CAST: variants seen among roughly 807,000 people sequenced by gnomAD.
CAST encodes calpastatin.
In CAST, 76 loss-of-function variants were observed where a neutral mutation model predicts 119.6. The observed-to-expected ratio is 0.64, with a 90% CI of 0.53 to 0.77. The LOEUF is 0.77. Among genes scored for constraint, CAST ranks in the 30% least tolerant of loss-of-function variants. The pLI is 0.00. For synonymous variants in CAST, 319 were observed against 331.6 expected (o/e 0.96, Z 0.41); for missense variants, 953 against 946.5 (o/e 1.01, Z -0.09).
the CAST span, among the ~76,000 whole-genome samples, chr5:96,136,020 C>T: frequency 6.6e-6 from 1 of 152,190 alleles, no homozygotes; most frequent in East Asian, 1.9e-4. Context: ...GAGATCACAC[C>T]ACTGCACTCT....
chr5:96,355,419 C>T, the CAST span, among the ~76,000 whole-genome samples: 1 of 152,232 alleles, frequency 6.6e-6, no homozygotes, highest in South Asian at 2.1e-4. Context: ...TTTCTTTATC[C>T]AGTCTATCAT....
intron 1 of CAST, among the ~76,000 whole-genome samples, chr5:96,623,085 C>T (rs185397061): frequency 5.3e-4 from 81 of 151,956 alleles, no homozygotes; most frequent in Non-Finnish European, 9.1e-4. Flanking sequence ...AGGCTGGTCT[C>T]GAACTCCTGA....
chr5:96,099,230 C>A, the CAST span, among the ~76,000 whole-genome samples: 2 of 152,132 alleles, frequency 1.3e-5, no homozygotes, highest in Non-Finnish European at 2.9e-5. Flanking sequence ...TGGGCTGAAA[C>A]AATGGGGTTT....
rs538295754 is a variant in CAST, at chr5:96,626,567, C to T, written c.61-48972C>T. On this transcript the variant is annotated intron_variant, in intron 1 of 11. Coordinates refer to the CAST transcript ENST00000505143. ...GTTTCCTGATTCCTCTGATGAAGCC[C>T]CACCTCCTCCCATCTTCTCAGGACT... 3.3e-5 allele frequency among the ~76,000 whole-genome samples: 5 copies of T among 152,262 alleles called. No individual in the cohort carries two copies. The South Asian group carries it at 1.0e-3, about 32-fold the overall frequency.
intron 2 of CAST, chr5:96,679,319 G>A (rs919076769): frequency 6.6e-6 from 1 of 152,212 alleles, no homozygotes; most frequent in Non-Finnish European, 1.5e-5. Flanking sequence ...TTTCTCAGAT[G>A]TAGAGGAATT....
chr5:96,324,241 C>A, the CAST span, among the ~76,000 whole-genome samples: 39 of 152,244 alleles, frequency 2.6e-4, no homozygotes, highest in African/African-American at 8.7e-4. Context: ...TTCTTAATTA[C>A]CTTATTAATT....
chr5:96,549,880 AC>A (rs1746093761), intron 1 of CAST, among the ~76,000 whole-genome samples: 1 of 152,210 alleles, frequency 6.6e-6, no homozygotes, highest in South Asian at 2.1e-4. Flanking sequence ...TTCTATCCTC[AC>A]AATGTAAACA....
At chr5:96,194,472 T>C in the CAST span, among the ~76,000 whole-genome samples, 1 of 152,138 alleles carries the variant, frequency 6.6e-6, no homozygotes. Flanking sequence ...TAGAGAACAT[T>C]GGTGTATCAG....
At chr5:96,693,128 A>G (rs944725171) in intron 2 of CAST, among the ~76,000 whole-genome samples, 1 of 152,222 alleles carries the variant, frequency 6.6e-6, no homozygotes, top group African/African-American at 2.4e-5. Context: ...TTAATGAAAG[A>G]TGATTTTACA....
chr5:96,700,762 A>G (rs1397465885), intron 3 of CAST, among the ~76,000 whole-genome samples: 1 of 152,126 alleles, frequency 6.6e-6, no homozygotes, highest in Non-Finnish European at 1.5e-5. Flanking sequence ...TTTAATAGGC[A>G]TTCCCAGGAG....
the CAST span, among the ~76,000 whole-genome samples, chr5:96,031,398 G>C: frequency 6.6e-6 from 1 of 152,198 alleles, no homozygotes; most frequent in South Asian, 2.1e-4. Context: ...CTAGTGTGCA[G>C]AAGTAGTTTG....
At chr5:96,201,421 C>A in the CAST span, among the ~76,000 whole-genome samples, 66 of 152,262 alleles carry the variant, frequency 4.3e-4, 1 homozygote, top group Admixed American at 1.3e-3. Flanking sequence ...TCGACACTTT[C>A]AAACAACTCT....
chr5:96,559,940 C>T (rs542503232), intron 1 of CAST, among the ~76,000 whole-genome samples: 1 of 152,328 alleles, frequency 6.6e-6, no homozygotes, highest in South Asian at 2.1e-4. Context: ...CGTCACACTA[C>T]CTGCCTTCAA....
At chr5:96,740,636 A>G (rs1762469274) in intron 12 of CAST, 109 bp from the exon 13 acceptor site, 2 of 765,102 alleles carry the variant, frequency 2.6e-6, no homozygotes, top group South Asian at 3.1e-5. Context: ...ACTTGAACAT[A>G]TAGATCTGGG....
At chr5:96,452,872 C>G in the CAST span, among the ~76,000 whole-genome samples, 1 of 133,752 alleles carries the variant, frequency 7.5e-6, no homozygotes, top group Non-Finnish European at 1.5e-5. Flanking sequence ...ATGGCGTGAA[C>G]CCGGGAAGCG....
chr5:96,602,410 A>G (rs1747172160), intron 1 of CAST, among the ~76,000 whole-genome samples: 1 of 152,264 alleles, frequency 6.6e-6, no homozygotes, highest in Admixed American at 6.5e-5. Flanking sequence ...GAACACAGCA[A>G]ATAAACATGA....
the CAST span, among the ~76,000 whole-genome samples, chr5:96,172,121 A>G: frequency 6.6e-6 from 1 of 152,224 alleles, no homozygotes; most frequent in African/African-American, 2.4e-5. Flanking sequence ...TTGGGTAGGT[A>G]AAGGAAAATT....
intron 6 of CAST, 178 bp from the exon 7 acceptor site, chr5:96,728,975 A>T (rs1759897400): frequency 1.7e-6 from 1 of 576,088 alleles, no homozygotes; most frequent in South Asian, 2.2e-5. Context: ...CAGGGTTACT[A>T]TTGACCTGAT....
At chr5:96,571,801 A>T (rs1206730230) in intron 1 of CAST, among the ~76,000 whole-genome samples, 1 of 152,178 alleles carries the variant, frequency 6.6e-6, no homozygotes, top group Non-Finnish European at 1.5e-5. Context: ...ATTATAACGC[A>T]TGCTTATCCA....
Sources: allele counts gnomAD v4.1 joint callset (sites outside exome capture counted in the v4.1 genomes callset), GRCh38; gene constraint gnomAD v4.1.1; transcripts MANE v1.5; gene names NCBI Gene and HGNC (gene_info 2026-07-23, HGNC 2026-07-21).